EFCAB11: variants seen among roughly 807,000 people sequenced by gnomAD.
EFCAB11 encodes EF-hand calcium binding domain 11.
EFCAB11 carries 14 observed loss-of-function variants against 23.0 expected under a neutral mutation model. That is an observed-to-expected ratio of 0.61 (90% confidence interval 0.40 to 0.95). EFCAB11 has a LOEUF of 0.95. Ranked by LOEUF, EFCAB11 falls within the 40% of genes least tolerant of loss-of-function variation. EFCAB11 has a pLI of 0.00. For synonymous variants in EFCAB11, 65 were observed against 66.6 expected (o/e 0.98, Z 0.11); for missense variants, 198 against 195.8 (o/e 1.01, Z -0.07).
At chr14:89,802,217 A>G (rs1885808750) in intron 5 of EFCAB11, among the ~76,000 whole-genome samples, 1 of 151,730 alleles carries the variant, frequency 6.6e-6, no homozygotes. Flanking sequence ...TAAAAAAAAA[A>G]AAAAAAAGAA....
intron 5 of EFCAB11, among the ~76,000 whole-genome samples, chr14:89,826,361 A>G (rs1886691165): frequency 6.6e-6 from 1 of 152,174 alleles, no homozygotes; most frequent in Non-Finnish European, 1.5e-5. Flanking sequence ...TTCTAAGAAG[A>G]AGGAACTATA....
At chr14:89,865,392 G>T (rs1489117636) in intron 5 of EFCAB11, among the ~76,000 whole-genome samples, 1 of 152,184 alleles carries the variant, frequency 6.6e-6, no homozygotes, top group Non-Finnish European at 1.5e-5. Context: ...TTGAAATCAG[G>T]TGTTGATTTA....
intron 2 of EFCAB11, 30 bp downstream of exon 2, chr14:89,953,876 C>A: frequency 6.3e-7 from 1 of 1,583,110 alleles, no homozygotes; most frequent in African/African-American, 1.3e-5. Flanking sequence ...GATCGTCTAC[C>A]CCATCCCCAA....
At chr14:89,934,300 T>TGA (rs1214766122) in intron 3 of EFCAB11, among the ~76,000 whole-genome samples, 1 of 152,098 alleles carries the variant, frequency 6.6e-6, no homozygotes, top group African/African-American at 2.4e-5. Context: ...GCAGTGGGGA[T>TGA]GAGAGGAGTG....
chr14:89,856,454 T>C (rs1887755947), intron 5 of EFCAB11, among the ~76,000 whole-genome samples: 1 of 152,166 alleles, frequency 6.6e-6, no homozygotes, highest in Admixed American at 6.5e-5. Flanking sequence ...CCTCCCATAG[T>C]GCTGGGATTA....
Position 89,897,505 on chromosome 14 carries a change from C to T in EFCAB11, c.410+34036G>A, listed in dbSNP as rs543721679. ...ACAGGCATGAGCCACCGCGCCCAGCCGTGTGCATGTATTTTTAAAGCACGG... is the reference window on the plus strand; with the variant it reads ...ACAGGCATGAGCCACCGCGCCCAGCTGTGTGCATGTATTTTTAAAGCACGG... On this transcript the variant is annotated intron_variant, in intron 5 of 5. Transcript: ENST00000316738. 2.0e-3 allele frequency among the ~76,000 whole-genome samples: 307 copies of T among 152,240 alleles called. 4 individuals carry two copies. In the South Asian group the frequency reaches 0.034, roughly 17 times the overall value.
At chr14:89,934,069 A>C (rs997982548) in intron 3 of EFCAB11, among the ~76,000 whole-genome samples, 31 of 152,224 alleles carry the variant, frequency 2.0e-4, no homozygotes, top group African/African-American at 7.5e-4. Flanking sequence ...GAGGTTGGGG[A>C]GGGCAGCAGG....
chr14:89,820,766 T>C (rs775395232), intron 5 of EFCAB11, among the ~76,000 whole-genome samples: 18 of 152,110 alleles, frequency 1.2e-4, no homozygotes, highest in Admixed American at 4.6e-4. Context: ...AAATGAGTAA[T>C]AGATGTATGA....
intron 5 of EFCAB11, among the ~76,000 whole-genome samples, chr14:89,904,234 T>G (rs1017223925): frequency 2.0e-5 from 3 of 152,172 alleles, no homozygotes; most frequent in African/African-American, 4.8e-5. Flanking sequence ...AGTGTTTGGT[T>G]TTCTGTCCTT....
chr14:89,801,393 G>A (rs550414372), intron 5 of EFCAB11, among the ~76,000 whole-genome samples: 4 of 152,264 alleles, frequency 2.6e-5, no homozygotes, highest in African/African-American at 4.8e-5. Context: ...CTGTCTGAAC[G>A]TGCAGCAGAG....
At chr14:89,830,994 A>G (rs1046873515) in intron 5 of EFCAB11, 2 of 152,326 alleles carry the variant, frequency 1.3e-5, no homozygotes, top group Non-Finnish European at 2.9e-5. Flanking sequence ...ACATTTTACA[A>G]GGATCATTGC....
chr14:89,839,965 T>C (rs898757253), intron 5 of EFCAB11, among the ~76,000 whole-genome samples: 1 of 152,196 alleles, frequency 6.6e-6, no homozygotes, highest in African/African-American at 2.4e-5. Flanking sequence ...CAACTGGATA[T>C]GAGATGAGAT....
At chr14:89,860,620 G>T (rs896531781) in intron 5 of EFCAB11, among the ~76,000 whole-genome samples, 2 of 152,136 alleles carry the variant, frequency 1.3e-5, no homozygotes, top group Non-Finnish European at 2.9e-5. Flanking sequence ...CATAAAATAA[G>T]CTTATAGAAA....
intron 5 of EFCAB11, among the ~76,000 whole-genome samples, chr14:89,852,738 A>T (rs990714244): frequency 2.0e-5 from 3 of 152,326 alleles, no homozygotes; most frequent in East Asian, 1.9e-4. Flanking sequence ...CTAATGTGAC[A>T]TATTTTTAAA....
intron 5 of EFCAB11, among the ~76,000 whole-genome samples, chr14:89,915,990 T>TA (rs1464465649): frequency 6.6e-6 from 1 of 152,050 alleles, no homozygotes; most frequent in Admixed American, 6.6e-5. Context: ...CCTTCCTGTT[T>TA]AATTGAGCCA....
At chr14:89,872,195 A>AGTTT (rs1401602071) in intron 5 of EFCAB11, among the ~76,000 whole-genome samples, 6 of 152,204 alleles carry the variant, frequency 3.9e-5, no homozygotes, top group Non-Finnish European at 7.3e-5. Context: ...ATAATTCAAC[A>AGTTT]GTTTCTCTCC....
chr14:89,818,957 G>T (rs1316234056), intron 5 of EFCAB11, among the ~76,000 whole-genome samples: 1 of 152,130 alleles, frequency 6.6e-6, no homozygotes, highest in African/African-American at 2.4e-5. Flanking sequence ...GAAAAATTAG[G>T]CAGTTTTGTA....
At chr14:89,820,366 C>A (rs1051955380) in intron 5 of EFCAB11, among the ~76,000 whole-genome samples, 1 of 152,082 alleles carries the variant, frequency 6.6e-6, no homozygotes, top group Non-Finnish European at 1.5e-5. Flanking sequence ...AATTCCCCAG[C>A]AAAATATTCA....
At chr14:89,847,795 T>G (rs1267986562) in intron 5 of EFCAB11, among the ~76,000 whole-genome samples, 1 of 148,756 alleles carries the variant, frequency 6.7e-6, no homozygotes, top group Non-Finnish European at 1.5e-5. Context: ...GAATGCAGAC[T>G]CTGAATTCAG....
Sources: gnomAD v4.1 joint callset for allele counts (sites outside exome capture counted in the v4.1 genomes callset) on GRCh38, gnomAD v4.1.1 for gene constraint, MANE v1.5 for transcripts, NCBI Gene and HGNC (gene_info 2026-07-23, HGNC 2026-07-21) for gene names.